The following SDK1 variants were observed in gnomAD, a reference collection of about 807,000 sequenced individuals.
SDK1 encodes protein sidekick-1.
In SDK1, 157 loss-of-function variants were observed where a neutral mutation model predicts 245.5. That is an observed-to-expected ratio of 0.64 (90% CI 0.56 to 0.73). SDK1 has a LOEUF of 0.73. SDK1 is among the 30% of genes least tolerant of loss of function. The pLI is 0.00. For missense variants in SDK1, 3,583 were observed against 3,002.3 expected (o/e 1.19, Z -4.52); for synonymous variants, 1,647 against 1,278.5 (o/e 1.29, Z -6.15).
At chr7:3,474,836 G>T (rs1196798104) in intron 1 of SDK1, among the ~76,000 whole-genome samples, 1 of 152,090 alleles carries the variant, frequency 6.6e-6, no homozygotes, top group African/African-American at 2.4e-5. Flanking sequence ...GACTATATAG[G>T]TGTGCACCAT....
chr7:3,335,414 A>G (rs1406268503), intron 1 of SDK1, among the ~76,000 whole-genome samples: 1 of 135,450 alleles, frequency 7.4e-6, no homozygotes, highest in Non-Finnish European at 1.6e-5. Context: ...ACATAATGGT[A>G]CTTATCTTTT....
chr7:3,919,303 G>A (rs146174185), intron 5 of SDK1, among the ~76,000 whole-genome samples: 7 of 152,298 alleles, frequency 4.6e-5, no homozygotes, highest in African/African-American at 7.2e-5. Context: ...GTGCATGGCC[G>A]GCCTTGCAGC....
At chr7:4,054,103 C>T (rs913330179) in intron 19 of SDK1, among the ~76,000 whole-genome samples, 11 of 150,026 alleles carry the variant, frequency 7.3e-5, no homozygotes, top group African/African-American at 2.5e-4. Flanking sequence ...CACGTCTGGC[C>T]AATTTTTTTG....
rs888975724 is a variant in SDK1, at chr7:4,079,600, G to A, written c.3324+16G>A. On this transcript the variant is annotated intron_variant, in intron 22 of 44. Transcript: ENST00000404826. Reference sequence around the variant, plus strand: ...TGAGGGGCAGGTACGTGTGTCGTTAGACTGGGAGCTGGCATTTGCGAAGAG... The same window carrying A: ...TGAGGGGCAGGTACGTGTGTCGTTAAACTGGGAGCTGGCATTTGCGAAGAG... 3.1e-6 allele frequency: 5 copies of A among 1,613,904 alleles called. No individual in the cohort carries two copies. Among genetic ancestry groups the A allele is most frequent in the East Asian group, 2.2e-5 (1 of 44,874 alleles).
chr7:4,156,510 C>G (rs1395951326), intron 30 of SDK1, among the ~76,000 whole-genome samples: 1 of 152,128 alleles, frequency 6.6e-6, no homozygotes, highest in African/African-American at 2.4e-5. Context: ...CGGTCAGGGA[C>G]TGGGAAGTAC....
chr7:4,230,571 AATGG>A (rs1785697029), intron 40 of SDK1, among the ~76,000 whole-genome samples: 1 of 151,410 alleles, frequency 6.6e-6, no homozygotes, highest in African/African-American at 2.4e-5. Flanking sequence ...AGGAAGGATG[AATGG>A]ATGGATAATG....
chr7:4,011,800 G>A (rs1012321702), intron 15 of SDK1, among the ~76,000 whole-genome samples: 4 of 152,144 alleles, frequency 2.6e-5, no homozygotes, highest in African/African-American at 7.2e-5. Flanking sequence ...GCCGACGAGC[G>A]GACGCATTCA....
At chr7:4,005,311 C>T (rs1420772706) in intron 14 of SDK1, among the ~76,000 whole-genome samples, 1 of 151,562 alleles carries the variant, frequency 6.6e-6, no homozygotes, top group East Asian at 1.9e-4. Flanking sequence ...TCCCAAAGTG[C>T]TGGGATTACT....
chr7:3,570,792 A>G (rs530340929), intron 1 of SDK1, among the ~76,000 whole-genome samples: 10 of 152,134 alleles, frequency 6.6e-5, no homozygotes, highest in African/African-American at 2.2e-4. Context: ...TCCACAAAGT[A>G]CTCTCTTTTA....
intron 5 of SDK1, among the ~76,000 whole-genome samples, chr7:3,914,604 C>A (rs1293187513): frequency 6.6e-6 from 1 of 152,132 alleles, no homozygotes. Flanking sequence ...CAAAGGCTTG[C>A]TCTTGCATGT....
chr7:4,267,569 T>G lies in SDK1; in HGVS notation c.*2185T>G, dbSNP rs1440862965. ...AATTTCTTGGAAGAGAAGCGATAAA[T>G]GGAGACCATGGCCAGCGCTGCTTTC... On this transcript the variant is annotated 3_prime_UTR_variant, in exon 45 of 45. Coordinates refer to ENST00000404826, the MANE Select transcript of SDK1 (RefSeq NM_152744.4). The G allele has an allele frequency of 2.0e-6, 2 of 985,358 alleles. No individual in the cohort carries two copies. Among genetic ancestry groups the G allele is most frequent in the East Asian group, 2.3e-4 (2 of 8,826 alleles). The allele number at this position is 985,358 out of a possible 1,614,324, so 61.0% of individuals were successfully genotyped here.
intron 1 of SDK1, among the ~76,000 whole-genome samples, chr7:3,477,971 T>C (rs1390297069): frequency 6.6e-6 from 1 of 152,200 alleles, no homozygotes; most frequent in African/African-American, 2.4e-5. Flanking sequence ...CTTTACTTTT[T>C]TTCCTAAACA....
chr7:3,916,316 G>A (rs1198579777), intron 5 of SDK1, among the ~76,000 whole-genome samples: 1 of 152,218 alleles, frequency 6.6e-6, no homozygotes, highest in Non-Finnish European at 1.5e-5. Context: ...ATGAGTTAAA[G>A]TAAACATGTG....
chr7:3,921,093 G>A (rs571609848), intron 5 of SDK1, among the ~76,000 whole-genome samples: 8 of 152,276 alleles, frequency 5.3e-5, no homozygotes, highest in Admixed American at 1.3e-4. Context: ...AGTGTTAAAT[G>A]TAGAAAAATT....
intron 4 of SDK1, among the ~76,000 whole-genome samples, chr7:3,684,437 A>G (rs1232434290): frequency 1.3e-5 from 2 of 152,226 alleles, no homozygotes; most frequent in East Asian, 1.9e-4. Context: ...CCCTTTTGCC[A>G]TGATAGTGTT....
intron 4 of SDK1, among the ~76,000 whole-genome samples, chr7:3,768,357 A>G (rs1780313463): frequency 6.6e-6 from 1 of 152,232 alleles, no homozygotes; most frequent in Non-Finnish European, 1.5e-5. Flanking sequence ...ATGGATAAAT[A>G]CAGCCGATTG....
At chr7:3,837,600 T>C (rs1358621856) in intron 5 of SDK1, among the ~76,000 whole-genome samples, 1 of 152,152 alleles carries the variant, frequency 6.6e-6, no homozygotes, top group Non-Finnish European at 1.5e-5. Flanking sequence ...TGGAGAGAAA[T>C]GTTTCTGAAT....
chr7:3,945,222 T>A (rs1780527850), intron 5 of SDK1, among the ~76,000 whole-genome samples: 2 of 152,180 alleles, frequency 1.3e-5, no homozygotes, highest in Admixed American at 1.3e-4. Context: ...TTATAGATAA[T>A]GAACAGCCCC....
chr7:3,492,029 G>C (rs371336238), intron 1 of SDK1, among the ~76,000 whole-genome samples: 1 of 152,118 alleles, frequency 6.6e-6, no homozygotes, highest in Non-Finnish European at 1.5e-5. Context: ...TTGACTTCCT[G>C]TTGGTTTCTG....
Sources: allele counts gnomAD v4.1 joint callset (sites outside exome capture counted in the v4.1 genomes callset), GRCh38; gene constraint gnomAD v4.1.1; transcripts MANE v1.5; gene names NCBI Gene and HGNC (gene_info 2026-07-23, HGNC 2026-07-21).